HMGA2: variants seen among roughly 807,000 people sequenced by gnomAD.
HMGA2 encodes high mobility group AT-hook 2, also known as high mobility group protein HMGI-C.
Under a neutral mutation model 19.1 loss-of-function variants are expected in HMGA2, and 8 were observed. The observed-to-expected ratio is 0.42, with a 90% CI of 0.25 to 0.76. The LOEUF is 0.76. Among genes scored for constraint, HMGA2 ranks in the 30% least tolerant of loss-of-function variants. The probability of loss-of-function intolerance (pLI) is 0.28; values close to 1 mark genes in which losing one functional copy is unlikely to be tolerated. For synonymous variants in HMGA2, 60 were observed against 48.8 expected (o/e 1.23, Z -0.96); for missense variants, 109 against 136.3 (o/e 0.80, Z 1.00).
At chr12:65,952,416 A>G in intron 4 of HMGA2, 1 of 1,534,580 alleles carries the variant, frequency 6.5e-7, no homozygotes, top group Non-Finnish European at 8.7e-7. Context: ...ACTGTTCTCT[A>G]AAAATGCCAC....
At chr12:65,900,868 G>A (rs1352887048) in intron 3 of HMGA2, among the ~76,000 whole-genome samples, 1 of 152,124 alleles carries the variant, frequency 6.6e-6, no homozygotes, top group African/African-American at 2.4e-5. Flanking sequence ...GTTAAACATA[G>A]CCCTTACTAA....
At chr12:65,872,566 C>T (rs1053184656) in intron 3 of HMGA2, among the ~76,000 whole-genome samples, 1 of 152,196 alleles carries the variant, frequency 6.6e-6, no homozygotes, top group Admixed American at 6.5e-5. Flanking sequence ...CCATTTTCAA[C>T]ATTTGCAAAG....
intron 2 of HMGA2, chr12:65,828,371 GC>G (rs1294354775): frequency 0.014 from 3,412 of 238,534 alleles, 145 homozygotes; most frequent in African/African-American, 0.085. Flanking sequence ...GGAAGGGGTT[GC>G]GGGGGGGGCG....
Position 65,951,426 on chromosome 12 carries a change from G to T in HMGA2, c.282+11G>T, listed in dbSNP as rs1876456136. Reference sequence around the variant, plus strand: ...AAGAAGCCTGCTCAGGTAAGACATAGTCATTAATTTTTTTCTCCCAATTAA... The same window carrying T: ...AAGAAGCCTGCTCAGGTAAGACATATTCATTAATTTTTTTCTCCCAATTAA... On this transcript the variant is annotated intron_variant, in intron 4 of 4. Transcript: ENST00000403681. 2 of 1,512,598 alleles carry T rather than the reference G, an allele frequency of 1.3e-6. No individual in the cohort carries two copies. The highest frequency in any genetic ancestry group is 2.4e-5 in the East Asian group (1 of 40,918). The allele number at this position is 1,512,598 out of a possible 1,614,324, so 93.7% of individuals were successfully genotyped here. A position where few individuals can be genotyped will look rare whatever the true frequency, so the allele number is the denominator to read the frequency against.
chr12:65,947,822 G>A (rs76577882), intron 3 of HMGA2, among the ~76,000 whole-genome samples: 3,010 of 152,296 alleles, frequency 0.02, 112 homozygotes, highest in African/African-American at 0.068. Flanking sequence ...TCCAAGTGAG[G>A]TGAGGCAGCT....
At chr12:65,952,243 G>A (rs1201708777) in intron 4 of HMGA2, 12 of 720,730 alleles carry the variant, frequency 1.7e-5, no homozygotes, top group Non-Finnish European at 2.8e-5. Context: ...TAAGTAGTAA[G>A]CAGTGTCATG....
chr12:65,848,120 T>G (rs1298547109), intron 3 of HMGA2, among the ~76,000 whole-genome samples: 2 of 152,216 alleles, frequency 1.3e-5, no homozygotes, highest in Non-Finnish European at 2.9e-5. Flanking sequence ...TGCCCTATGT[T>G]AATGTTTCCA....
chr12:65,914,395 A>T (rs1874982786), intron 3 of HMGA2, among the ~76,000 whole-genome samples: 1 of 151,272 alleles, frequency 6.6e-6, no homozygotes, highest in African/African-American at 2.4e-5. Flanking sequence ...TCGCAAGAAC[A>T]AAAAACCAAA....
Position 65,900,854 on chromosome 12 carries a change from G to T in HMGA2, c.250-50529G>T, listed in dbSNP as rs75687305. Among the ~76,000 whole-genome samples the T allele has an allele frequency of 3.8e-3, 585 of 152,170 alleles. 20 individuals carry two copies. In the East Asian group the frequency reaches 0.08, roughly 21 times the overall value. ...TACATTTTTAGAAAGTTTGAGAGCT[G>T]GTTGTTAAACATAGCCCTTACTAAA... is the stretch of plus-strand genomic sequence containing the variant. On this transcript the variant is annotated intron_variant, in intron 3 of 4. Coordinates refer to ENST00000403681, the MANE Select transcript of HMGA2 (RefSeq NM_003483.6).
At chr12:65,939,400 G>C (rs1394711915) in intron 3 of HMGA2, among the ~76,000 whole-genome samples, 1 of 151,590 alleles carries the variant, frequency 6.6e-6, no homozygotes, top group Admixed American at 6.6e-5. Flanking sequence ...CTGTCACCCA[G>C]GCTAGAGCAC....
chr12:65,933,062 T>C (rs1475012600), intron 3 of HMGA2, among the ~76,000 whole-genome samples: 1 of 152,104 alleles, frequency 6.6e-6, no homozygotes, highest in Non-Finnish European at 1.5e-5. Flanking sequence ...AGAGGAGCAT[T>C]CCTTATCACT....
chr12:65,887,274 G>A (rs1873697570), intron 3 of HMGA2, among the ~76,000 whole-genome samples: 1 of 152,118 alleles, frequency 6.6e-6, no homozygotes, highest in South Asian at 2.1e-4. Context: ...GTCACCATAT[G>A]GAAGAGGATT....
chr12:65,911,660 G>A (rs148680391), intron 3 of HMGA2, among the ~76,000 whole-genome samples: 2 of 152,198 alleles, frequency 1.3e-5, no homozygotes, highest in Non-Finnish European at 2.9e-5. Flanking sequence ...ATGAGCATTC[G>A]GTCATTAGAA....
At chr12:65,862,974 G>C (rs1352422932) in intron 3 of HMGA2, among the ~76,000 whole-genome samples, 1 of 152,132 alleles carries the variant, frequency 6.6e-6, no homozygotes, top group Non-Finnish European at 1.5e-5. Context: ...ACGAACTTAC[G>C]CATGCTTCCC....
At chr12:65,839,401 G>T (rs895990945) in intron 3 of HMGA2, among the ~76,000 whole-genome samples, 6 of 152,060 alleles carry the variant, frequency 3.9e-5, no homozygotes, top group African/African-American at 1.4e-4. Context: ...ACCCAGTGTT[G>T]CATATGATGG....
chr12:65,963,275 T>A lies in HMGA2; in HGVS notation c.313T>A (p.Ser105Thr). Residue 105 changes from serine to threonine, a missense_variant, in exon 5 of 5, where the codon TCT (serine) becomes ACT (threonine). Coordinates refer to ENST00000403681, the MANE Select transcript of HMGA2 (RefSeq NM_003483.6). ...EETEETSSQE[S>T]AEED ...AACTGAAGAGACATCCTCACAAGAG[T>A]CTGCCGAAGAGGACTAGGGGGCGCC... 1 of 1,613,468 alleles carries A rather than the reference T, an allele frequency of 6.2e-7. No individual in the cohort carries two copies. The highest frequency in any genetic ancestry group is 8.5e-7 in the Non-Finnish European group (1 of 1,179,792).
At chr12:65,883,378 C>A (rs1376954020) in intron 3 of HMGA2, among the ~76,000 whole-genome samples, 2 of 152,156 alleles carry the variant, frequency 1.3e-5, no homozygotes, top group Non-Finnish European at 2.9e-5. Context: ...ACAACAATAC[C>A]ATTTCTTGAG....
chr12:65,928,023 A>G (rs1875576093), intron 3 of HMGA2, among the ~76,000 whole-genome samples: 1 of 150,906 alleles, frequency 6.6e-6, no homozygotes, highest in Non-Finnish European at 1.5e-5. Flanking sequence ...ATATTCAATC[A>G]TACATTGCTT....
At chr12:65,876,237 T>C (rs928073152) in intron 3 of HMGA2, among the ~76,000 whole-genome samples, 1 of 151,454 alleles carries the variant, frequency 6.6e-6, no homozygotes, top group African/African-American at 2.4e-5. Context: ...AAAAAAAAAA[T>C]GTATATATAG....
Sources: allele counts gnomAD v4.1 joint callset (sites outside exome capture counted in the v4.1 genomes callset), GRCh38; gene constraint gnomAD v4.1.1; transcripts MANE v1.5; gene names NCBI Gene and HGNC (gene_info 2026-07-23, HGNC 2026-07-21).